The following PARN variants were observed in gnomAD, a reference collection of about 807,000 sequenced individuals.
PARN encodes the protein poly(A)-specific ribonuclease.
In PARN, 71 loss-of-function variants were observed where a neutral mutation model predicts 102.8. The observed-to-expected ratio is 0.69, with a 90% CI of 0.57 to 0.84. The LOEUF is 0.84. Among genes scored for constraint, PARN ranks in the 40% least tolerant of loss-of-function variants. The pLI, the probability that PARN is intolerant of heterozygous loss-of-function variation, is 0.00. For synonymous variants in PARN, 261 were observed against 252.9 expected (o/e 1.03, Z -0.30); for missense variants, 782 against 760.9 (o/e 1.03, Z -0.33).
chr16:14,450,061 T>C (rs1457478587), intron 22 of PARN, among the ~76,000 whole-genome samples: 1 of 152,158 alleles, frequency 6.6e-6, no homozygotes, highest in Non-Finnish European at 1.5e-5. Flanking sequence ...AGTACCTAAA[T>C]GTCTAAGCAT....
chr16:14,576,351 G>C (rs17201412), intron 18 of PARN: 1 of 152,118 alleles, frequency 6.6e-6, no homozygotes, highest in Non-Finnish European at 1.5e-5. Context: ...TCACATTCCA[G>C]TGCTTACTGA....
chr16:14,507,745 C>T (rs555545645), intron 21 of PARN, among the ~76,000 whole-genome samples: 22 of 151,856 alleles, frequency 1.4e-4, no homozygotes, highest in Non-Finnish European at 2.1e-4. Context: ...TTCTTTCATA[C>T]GAAATTCCTA....
intron 21 of PARN, among the ~76,000 whole-genome samples, chr16:14,547,865 G>C (rs1388401113): frequency 6.6e-6 from 1 of 152,116 alleles, no homozygotes; most frequent in Non-Finnish European, 1.5e-5. Flanking sequence ...TATATAAATA[G>C]GCATTTAATG....
chr16:14,608,284 C>T lies in PARN; in HGVS notation c.656G>A (p.Trp219Ter). 6.5e-7 allele frequency: 1 copy of T among 1,536,436 alleles called. No individual in the cohort carries two copies. The highest frequency in any genetic ancestry group is 8.8e-7 in the Non-Finnish European group (1 of 1,135,228). The change falls in exon 9 of 24, where the codon TGG (tryptophan) becomes TAG (stop). Residue 219 changes from tryptophan to a stop codon, truncating the protein, a stop_gained. Transcript: ENST00000437198. LOFTEE classifies it high-confidence loss of function. ...QRKLIYQTLS[W>*]KYPKGIHVET... is the part of the protein sequence containing the mutation. Reference sequence around the variant, plus strand: ...TGCATACAATATAAATACTTACTTCCAGCTCAAAGTCTGATAAATTAGTTT... The same window carrying T: ...TGCATACAATATAAATACTTACTTCTAGCTCAAAGTCTGATAAATTAGTTT...
intron 21 of PARN, among the ~76,000 whole-genome samples, chr16:14,524,109 T>C (rs1285293586): frequency 6.6e-6 from 1 of 152,216 alleles, no homozygotes; most frequent in Non-Finnish European, 1.5e-5. Context: ...GAAATGTCAT[T>C]ATGTAGCATA....
intron 13 of PARN, among the ~76,000 whole-genome samples, 161 bp from the exon 14 acceptor site, chr16:14,586,522 A>G (rs978124172): frequency 6.6e-6 from 1 of 152,242 alleles, no homozygotes; most frequent in Non-Finnish European, 1.5e-5. Flanking sequence ...TACAAAAAAA[A>G]CACAAAACCT....
chr16:14,609,279 T>TA (rs1415395474), intron 7 of PARN, among the ~76,000 whole-genome samples, 156 bp from the exon 8 acceptor site: 1 of 152,206 alleles, frequency 6.6e-6, no homozygotes, highest in Non-Finnish European at 1.5e-5. Context: ...AAGACTTTTT[T>TA]AAAAATGCTT....
At chr16:14,549,444 A>G (rs976226769) in intron 21 of PARN, among the ~76,000 whole-genome samples, 2 of 152,188 alleles carry the variant, frequency 1.3e-5, no homozygotes, top group Non-Finnish European at 2.9e-5. Flanking sequence ...GCAATGAGCA[A>G]TCAGACAATA....
Position 14,436,245 on chromosome 16 carries a change from A to AT in PARN, c.*471dup, listed in dbSNP as rs1596413831. The AT allele has an allele frequency of 6.4e-6, 1 of 156,452 alleles. No individual in the cohort carries two copies. The highest frequency in any genetic ancestry group is 6.3e-5 in the Admixed American group (1 of 15,990). 9.7% of individuals were successfully genotyped at this position (156,452 alleles called of 1,614,324 possible). A position where few individuals can be genotyped will look rare whatever the true frequency, so the allele number is the denominator to read the frequency against. On this transcript the variant is annotated 3_prime_UTR_variant, in exon 24 of 24. Coordinates refer to ENST00000437198, the MANE Select transcript of PARN (RefSeq NM_002582.4). ...GGTGGGAAGCAGGGAGGCACAACCG[A>AT]TTTTTCCACTGGGAGACTAACCGAG...
chr16:14,612,778 G>C (rs1971596936), intron 6 of PARN, among the ~76,000 whole-genome samples: 1 of 151,542 alleles, frequency 6.6e-6, no homozygotes, highest in African/African-American at 2.4e-5. Context: ...TTGTATTTTA[G>C]TAGAGACAAG....
At chr16:14,487,504 T>C (rs1011788614) in intron 21 of PARN, among the ~76,000 whole-genome samples, 1 of 152,254 alleles carries the variant, frequency 6.6e-6, no homozygotes, top group Non-Finnish European at 1.5e-5. Context: ...CAACATAAGA[T>C]GTAGATTCCT....
intron 1 of PARN, 110 bp from the exon 2 acceptor site, chr16:14,629,784 T>C (rs1344686923): frequency 1.2e-6 from 1 of 850,254 alleles, no homozygotes; most frequent in East Asian, 2.4e-5. Context: ...AGGGGAAAAG[T>C]CCCGGAGGTG....
chr16:14,523,597 T>C (rs1285604920), intron 21 of PARN, among the ~76,000 whole-genome samples: 2 of 152,150 alleles, frequency 1.3e-5, no homozygotes, highest in Non-Finnish European at 2.9e-5. Flanking sequence ...TGACCTAAAA[T>C]TAATACTGTA....
At chr16:14,541,553 G>A (rs1483265298) in intron 21 of PARN, among the ~76,000 whole-genome samples, 1 of 151,924 alleles carries the variant, frequency 6.6e-6, no homozygotes, top group Non-Finnish European at 1.5e-5. Flanking sequence ...TCGGCTCACT[G>A]CAACCTCTGC....
chr16:14,575,510 A>C (rs1047018633), intron 18 of PARN, among the ~76,000 whole-genome samples: 2 of 152,132 alleles, frequency 1.3e-5, no homozygotes, highest in Non-Finnish European at 2.9e-5. Flanking sequence ...CTTGCCCAAA[A>C]TCACACAGGT....
At position 14,584,381 on chromosome 16, in the gene PARN, C is replaced by T; in HGVS notation, c.1047G>A (p.Arg349=). The T allele has an allele frequency of 8.1e-6, 13 of 1,613,360 alleles. No homozygotes were observed. The highest frequency in any genetic ancestry group is 1.1e-5 in the Non-Finnish European group (13 of 1,179,464). The change falls in exon 16 of 24, where the codon CGG becomes CGA. Residue 349 remains arginine (R), a synonymous_variant. Transcript: ENST00000437198. Reference sequence around the variant, plus strand: ...GAGGGTTGAAAGGTGTCTCTTTTAACCGCTTTTCCAATTCCGCAAGGGATG... The same window carrying T: ...GAGGGTTGAAAGGTGTCTCTTTTAATCGCTTTTCCAATTCCGCAAGGGATG... The part of the protein sequence containing the change: ...NNTSLAELEK[R]LKETPFNPPK...
Position 14,503,008 on chromosome 16 carries a change from A to C in PARN, c.1481-20181T>G, listed in dbSNP as rs141507715. 3.9e-5 allele frequency among the ~76,000 whole-genome samples: 6 copies of C among 152,308 alleles called. No homozygotes were observed. In the East Asian group the frequency reaches 1.2e-3, roughly 29 times the overall value. ...ACATATTGCAGAATAGCATTTTTTT[A>C]AATTGTGAGAATGGTTTAAATAAAA... On this transcript the variant is annotated intron_variant, in intron 21 of 23. Transcript: ENST00000437198.
intron 22 of PARN, among the ~76,000 whole-genome samples, chr16:14,463,697 A>G (rs924127667): frequency 6.6e-6 from 1 of 152,242 alleles, no homozygotes; most frequent in Non-Finnish European, 1.5e-5. Context: ...AAAATTAAAG[A>G]GAGCATCTGT....
In PARN at chr16:14,598,185, C is replaced by T. The variant is rs187056792; in HGVS notation, c.840+1719G>A. Among the ~76,000 whole-genome samples, 8 of 152,050 alleles carry T rather than the reference C, an allele frequency of 5.3e-5. No homozygotes were observed. The East Asian group carries it at 1.5e-3, about 29-fold the overall frequency. Reference sequence around the variant, plus strand: ...ATATATTTAAGGTATGGGATTTACGCATCTTATTTTACTTTAGTCAACTTT... The same window carrying T: ...ATATATTTAAGGTATGGGATTTACGTATCTTATTTTACTTTAGTCAACTTT... On this transcript the variant is annotated intron_variant, in intron 12 of 23. Transcript: ENST00000437198.
Sources: gnomAD v4.1 joint callset for allele counts (sites outside exome capture counted in the v4.1 genomes callset) on GRCh38, gnomAD v4.1.1 for gene constraint, MANE v1.5 for transcripts, NCBI Gene and HGNC (gene_info 2026-07-23, HGNC 2026-07-21) for gene names.